Variants in B3GALT1 observed in about 807,000 individuals in gnomAD.
B3GALT1 encodes beta-1,3-galactosyltransferase 1, also known as UDP-Gal:betaGlcNAc beta 1,3-galactosyltransferase, polypeptide 1.
B3GALT1 carries 10 observed loss-of-function variants against 23.2 expected under a neutral mutation model. That is an observed-to-expected ratio of 0.43 (90% confidence interval 0.27 to 0.73). The LOEUF (loss-of-function observed/expected upper bound fraction) is 0.73. Ranked by LOEUF, B3GALT1 falls within the 30% of genes least tolerant of loss-of-function variation. B3GALT1 has a pLI of 0.21. For missense variants in B3GALT1, 299 were observed against 405.4 expected, an observed-to-expected ratio of 0.74 and a Z score of 2.25; for synonymous variants, 156 against 141.5, an observed-to-expected ratio of 1.10 and a Z score of -0.73.
intron 3 of B3GALT1, among the ~76,000 whole-genome samples, chr2:167,653,947 G>T (rs1270757330): frequency 2.0e-5 from 3 of 152,128 alleles, no homozygotes; most frequent in South Asian, 2.1e-4. Flanking sequence ...ATTCACAGTA[G>T]ATCTGTGGAG....
intron 2 of B3GALT1, among the ~76,000 whole-genome samples, chr2:167,586,086 C>T (rs543630161): frequency 1.6e-4 from 25 of 152,268 alleles, no homozygotes; most frequent in Admixed American, 8.5e-4. Flanking sequence ...TTAGTAAACA[C>T]TAATGAAGCT....
chr2:167,824,051 A>G (rs1689163051), intron 4 of B3GALT1, among the ~76,000 whole-genome samples: 1 of 152,188 alleles, frequency 6.6e-6, no homozygotes, highest in African/African-American at 2.4e-5. Context: ...TCTGGAAATG[A>G]CTCCTGATAT....
chr2:167,787,963 A>G (rs1478599237), intron 3 of B3GALT1, among the ~76,000 whole-genome samples: 1 of 152,316 alleles, frequency 6.6e-6, no homozygotes, highest in East Asian at 1.9e-4. Flanking sequence ...TGTTGATACC[A>G]GATTACGGTA....
rs74361495 is a variant in B3GALT1, at chr2:167,642,137, C to T, written c.-409-4772C>T. 6.0e-3 allele frequency among the ~76,000 whole-genome samples: 917 copies of T among 152,298 alleles called. 11 individuals carry two copies. Among genetic ancestry groups the T allele is most frequent in the African/African-American group, 0.021 (862 of 41,570 alleles). The stretch of plus-strand genomic sequence containing the variant: ...GTTGTGTGATGGCTGATTACTCTCA[C>T]TGCAGACTTGGGGAGACAGAGCTCA... On this transcript the variant is annotated intron_variant, in intron 2 of 4. Coordinates refer to ENST00000392690, the MANE Select transcript of B3GALT1 (RefSeq NM_020981.4).
At chr2:167,774,488 T>TG (rs1259293492) in intron 3 of B3GALT1, among the ~76,000 whole-genome samples, 56 of 73,184 alleles carry the variant, frequency 7.7e-4, no homozygotes, top group Non-Finnish European at 1.1e-3. Context: ...TTTTTTTGTT[T>TG]TTTTTTTTGT....
intron 3 of B3GALT1, chr2:167,715,208 G>T (rs945211048): frequency 9.2e-5 from 149 of 1,613,762 alleles, no homozygotes; most frequent in Admixed American, 3.8e-4. Flanking sequence ...ATCATCATCC[G>T]TTGTGTCTTC....
At chr2:167,714,475 T>G in intron 3 of B3GALT1, 2 of 1,601,650 alleles carry the variant, frequency 1.2e-6, no homozygotes, top group Admixed American at 3.3e-5. Context: ...AAGCTCTCGT[T>G]TCAGATGAAG....
At chr2:167,716,144 G>A (rs983165390) in intron 3 of B3GALT1, 26 of 1,390,328 alleles carry the variant, frequency 1.9e-5, no homozygotes, top group African/African-American at 8.7e-5. Flanking sequence ...CTTGGGTCTG[G>A]AACCCGAATC....
chr2:167,330,589 G>A (rs1244305306), intron 1 of B3GALT1, among the ~76,000 whole-genome samples: 5 of 152,116 alleles, frequency 3.3e-5, no homozygotes, highest in African/African-American at 2.4e-5. Flanking sequence ...CAGTTTAAGC[G>A]ACAGAGCGCG....
chr2:167,655,019 G>A (rs1165341308), intron 3 of B3GALT1, among the ~76,000 whole-genome samples: 1 of 152,088 alleles, frequency 6.6e-6, no homozygotes, highest in Non-Finnish European at 1.5e-5. Context: ...AATATTCTCT[G>A]TAACAAAATT....
At chr2:167,367,079 C>T (rs1265661993) in intron 1 of B3GALT1, among the ~76,000 whole-genome samples, 3 of 152,202 alleles carry the variant, frequency 2.0e-5, no homozygotes, top group Non-Finnish European at 4.4e-5. Context: ...TTGAACGCTA[C>T]TGATGTAACA....
chr2:167,622,428 G>A, intron 2 of B3GALT1, among the ~76,000 whole-genome samples: 1 of 152,036 alleles, frequency 6.6e-6, no homozygotes, highest in African/African-American at 2.4e-5. Flanking sequence ...GAGGACAAAA[G>A]GCAATGCCCT....
intron 2 of B3GALT1, among the ~76,000 whole-genome samples, chr2:167,604,255 T>G (rs916701646): frequency 2.0e-5 from 3 of 152,146 alleles, no homozygotes; most frequent in East Asian, 3.9e-4. Context: ...GCCATGATCA[T>G]TGCTCAGCTG....
intron 2 of B3GALT1, among the ~76,000 whole-genome samples, chr2:167,508,150 T>G (rs932368290): frequency 6.6e-6 from 1 of 152,196 alleles, no homozygotes; most frequent in Non-Finnish European, 1.5e-5. Flanking sequence ...CACATTGGGG[T>G]TAGGATCTGA....
In B3GALT1 at chr2:167,729,513, A is replaced by G. The variant is rs535328825; in HGVS notation, c.-352+82547A>G. On this transcript the variant is annotated intron_variant, in intron 3 of 4. Coordinates refer to ENST00000392690, the MANE Select transcript of B3GALT1 (RefSeq NM_020981.4). ...AGGCGATAATAGCCTAGAATTATGT[A>G]TAATGTCACACCTCACCAGGGCCTG... Among the ~76,000 whole-genome samples the G allele has an allele frequency of 2.6e-5, 4 of 152,354 alleles. No individual in the cohort carries two copies. In the South Asian group the frequency reaches 8.3e-4, roughly 32 times the overall value.
chr2:167,685,876 C>T (rs1189831669), intron 3 of B3GALT1, among the ~76,000 whole-genome samples: 1 of 152,194 alleles, frequency 6.6e-6, no homozygotes, highest in Non-Finnish European at 1.5e-5. Flanking sequence ...TAAGGACACG[C>T]ACTGTTTTGT....
chr2:167,386,589 A>G (rs963982798), intron 1 of B3GALT1, among the ~76,000 whole-genome samples: 1 of 152,124 alleles, frequency 6.6e-6, no homozygotes, highest in Non-Finnish European at 1.5e-5. Context: ...ATGACATACT[A>G]TACTGGATTA....
At chr2:167,830,487 T>C (rs1248471275) in intron 4 of B3GALT1, among the ~76,000 whole-genome samples, 2 of 152,180 alleles carry the variant, frequency 1.3e-5, no homozygotes, top group Non-Finnish European at 2.9e-5. Flanking sequence ...TTAATTTACT[T>C]CAAACTTGTC....
At chr2:167,659,372 T>A (rs908459235) in intron 3 of B3GALT1, among the ~76,000 whole-genome samples, 2 of 152,036 alleles carry the variant, frequency 1.3e-5, no homozygotes, top group Admixed American at 6.6e-5. Context: ...ATATTTATTA[T>A]TAGGAGCCTT....
Sources: allele counts gnomAD v4.1 joint callset (sites outside exome capture counted in the v4.1 genomes callset), GRCh38; gene constraint gnomAD v4.1.1; transcripts MANE v1.5; gene names NCBI Gene and HGNC (gene_info 2026-07-23, HGNC 2026-07-21).